Variants in ASIC2 observed in about 807,000 individuals in gnomAD.
ASIC2 encodes acid-sensing ion channel 2.
In ASIC2, 25 loss-of-function variants were observed where a neutral mutation model predicts 57.3. That is an observed-to-expected ratio of 0.44 (90% CI 0.32 to 0.61). The LOEUF is 0.61. Among genes scored for constraint, ASIC2 ranks in the 20% least tolerant of loss-of-function variants. The pLI is 0.06. For missense variants in ASIC2, 641 were observed against 738.1 expected (o/e 0.87, Z 1.52); for synonymous variants, 319 against 307.5 (o/e 1.04, Z -0.39).
chr17:33,656,255 A>G (rs1567680686), intron 1 of ASIC2, among the ~76,000 whole-genome samples: 2 of 151,694 alleles, frequency 1.3e-5, no homozygotes, highest in Non-Finnish European at 2.9e-5. Context: ...AATCTCCAAA[A>G]AGAGAGAGAG....
At chr17:33,461,834 A>T (rs1912646976) in intron 1 of ASIC2, among the ~76,000 whole-genome samples, 1 of 152,164 alleles carries the variant, frequency 6.6e-6, no homozygotes, top group Non-Finnish European at 1.5e-5. Flanking sequence ...ATTTTTATAA[A>T]TCAAATCAGA....
intron 1 of ASIC2, among the ~76,000 whole-genome samples, chr17:33,952,855 G>T (rs1904620776): frequency 6.6e-6 from 1 of 152,134 alleles, no homozygotes; most frequent in South Asian, 2.1e-4. Context: ...TCAGAAAATT[G>T]TTTCATAGCA....
intron 1 of ASIC2, among the ~76,000 whole-genome samples, chr17:33,258,804 A>G (rs1009797414): frequency 9.2e-5 from 14 of 152,246 alleles, no homozygotes; most frequent in African/African-American, 2.9e-4. Flanking sequence ...GGTAAGTGGT[A>G]GAACAAGGGA....
upstream of ASIC2, among the ~76,000 whole-genome samples, chr17:33,294,833 G>A (rs538672667): frequency 9.8e-5 from 15 of 152,312 alleles, no homozygotes; most frequent in South Asian, 3.1e-3. Flanking sequence ...GTTTGCTTTG[G>A]GTTTGGTTGC....
chr17:33,990,095 G>A (rs116594173), intron 1 of ASIC2, among the ~76,000 whole-genome samples: 67 of 152,328 alleles, frequency 4.4e-4, no homozygotes, highest in African/African-American at 1.6e-3. Flanking sequence ...GCTTAAGGGT[G>A]AAGGTGGGGA....
At chr17:33,800,815 A>G (rs1254160750) in intron 1 of ASIC2, among the ~76,000 whole-genome samples, 1 of 152,188 alleles carries the variant, frequency 6.6e-6, no homozygotes, top group Non-Finnish European at 1.5e-5. Context: ...TTATCCTGCT[A>G]TCAACTTTTC....
At chr17:33,440,361 T>C (rs989065924) in intron 1 of ASIC2, among the ~76,000 whole-genome samples, 4 of 152,260 alleles carry the variant, frequency 2.6e-5, no homozygotes, top group African/African-American at 9.6e-5. Flanking sequence ...CCATGTTTTG[T>C]TTATTAAACA....
intron 1 of ASIC2, among the ~76,000 whole-genome samples, chr17:33,391,725 A>C (rs1425691767): frequency 6.6e-6 from 1 of 152,248 alleles, no homozygotes; most frequent in Non-Finnish European, 1.5e-5. Context: ...TGTCAATGTT[A>C]ATCATATATA....
chr17:33,128,246 AC>A (rs1331623670), intron 1 of ASIC2, among the ~76,000 whole-genome samples: 1 of 152,106 alleles, frequency 6.6e-6, no homozygotes, highest in African/African-American at 2.4e-5. Flanking sequence ...TCCTACTTGA[AC>A]TTCAAATCTC....
At chr17:34,076,487 T>C (rs893837604) in intron 1 of ASIC2, among the ~76,000 whole-genome samples, 4 of 152,210 alleles carry the variant, frequency 2.6e-5, no homozygotes, top group African/African-American at 9.7e-5. Flanking sequence ...ATTGTATATA[T>C]AGTTTATGGC....
intron 1 of ASIC2, among the ~76,000 whole-genome samples, chr17:33,976,281 A>G (rs1032653465): frequency 3.9e-5 from 6 of 152,066 alleles, no homozygotes; most frequent in African/African-American, 1.4e-4. Context: ...GGTCTAATTC[A>G]GTCTCAGACT....
chr17:33,371,357 A>T (rs4795770), intron 1 of ASIC2, among the ~76,000 whole-genome samples: 54,397 of 152,098 alleles, frequency 0.36, 10,373 homozygotes, highest in Non-Finnish European at 0.42. Flanking sequence ...CCTCTGACAC[A>T]TGTATGTGCT....
intron 1 of ASIC2, among the ~76,000 whole-genome samples, chr17:33,207,041 C>A (rs987040934): frequency 2.0e-5 from 3 of 152,124 alleles, no homozygotes; most frequent in Admixed American, 6.5e-5. Context: ...CCCGCCCTGA[C>A]CATTTCACAA....
intron 3 of ASIC2, among the ~76,000 whole-genome samples, chr17:33,067,637 G>C (rs2092049267): frequency 6.6e-6 from 1 of 152,184 alleles, no homozygotes; most frequent in African/African-American, 2.4e-5. Context: ...GCCACCAAGG[G>C]TGTCTAAGTG....
intron 1 of ASIC2, among the ~76,000 whole-genome samples, chr17:33,252,809 T>C (rs1029329904): frequency 6.6e-6 from 1 of 152,126 alleles, no homozygotes; most frequent in Non-Finnish European, 1.5e-5. Context: ...GAACTTGGCT[T>C]TTCATTGGGC....
chr17:33,902,840 C>A (rs901218476), intron 1 of ASIC2, among the ~76,000 whole-genome samples: 4 of 152,196 alleles, frequency 2.6e-5, no homozygotes, highest in Non-Finnish European at 5.9e-5. Context: ...TAAGGTCCTG[C>A]CATTTCCCCA....
intron 1 of ASIC2, among the ~76,000 whole-genome samples, chr17:33,260,346 G>A (rs1390485930): frequency 6.6e-6 from 1 of 152,134 alleles, no homozygotes; most frequent in African/African-American, 2.4e-5. Context: ...GCAACCAGAC[G>A]CATGCAGCTC....
intron 1 of ASIC2, among the ~76,000 whole-genome samples, chr17:34,109,910 T>C (rs1911206562): frequency 1.3e-5 from 2 of 152,054 alleles, no homozygotes; most frequent in Non-Finnish European, 2.9e-5. Context: ...ACTGTATAGA[T>C]TTTATGACTA....
chr17:33,080,803 C>T (rs942338875), intron 3 of ASIC2, among the ~76,000 whole-genome samples: 29 of 152,076 alleles, frequency 1.9e-4, no homozygotes, highest in Admixed American at 3.3e-4. Context: ...ATGTATGCAG[C>T]GTGGATATGC....
Sources: allele counts gnomAD v4.1 joint callset (sites outside exome capture counted in the v4.1 genomes callset), GRCh38; gene constraint gnomAD v4.1.1; transcripts MANE v1.5; gene names NCBI Gene and HGNC (gene_info 2026-07-23, HGNC 2026-07-21).